The following NIPBL variants were observed in gnomAD, a reference collection of about 807,000 sequenced individuals.
NIPBL encodes NIPBL cohesin loading factor, also known as nipped-B-like protein.
Under a neutral mutation model 321.8 loss-of-function variants are expected in NIPBL, and 19 were observed. The ratio of observed to expected loss-of-function variants is 0.06; its 90% CI spans 0.04 to 0.09. NIPBL has a LOEUF of 0.09. Ranked by LOEUF, NIPBL falls within the 10% of genes least tolerant of loss-of-function variation. NIPBL has a pLI of 1.00. For synonymous variants in NIPBL, 1,106 were observed against 1,114.1 expected (o/e 0.99, Z 0.14); for missense variants, 2,210 against 3,327.0 (o/e 0.66, Z 8.26).
chr5:37,016,995 A>G (rs767145920), intron 23 of NIPBL, 24 bp from the exon 24 acceptor site: 7 of 1,502,204 alleles, frequency 4.7e-6, no homozygotes, highest in South Asian at 1.2e-5. Context: ...AATCTATTCA[A>G]TCAAAAACTA....
chr5:37,007,788 A>T (rs1002614178), intron 18 of NIPBL, among the ~76,000 whole-genome samples: 4 of 152,006 alleles, frequency 2.6e-5, no homozygotes, highest in Non-Finnish European at 5.9e-5. Flanking sequence ...TAGAGATTAG[A>T]GGACTGATAG....
At chr5:37,056,765 T>C (rs1480665953) in intron 42 of NIPBL, among the ~76,000 whole-genome samples, 1 of 152,206 alleles carries the variant, frequency 6.6e-6, no homozygotes, top group Admixed American at 6.5e-5. Context: ...AACTTTCATG[T>C]ATACTTTCTG....
chr5:36,958,032 A>C, intron 3 of NIPBL, 72 bp from the exon 4 acceptor site: 1 of 1,477,622 alleles, frequency 6.8e-7, no homozygotes, highest in Non-Finnish European at 9.4e-7. Context: ...AGTGTGATTT[A>C]CTTTTATATG....
intron 1 of NIPBL, among the ~76,000 whole-genome samples, chr5:36,900,782 C>T (rs568214919): frequency 4.6e-5 from 7 of 152,206 alleles, no homozygotes; most frequent in African/African-American, 1.7e-4. Flanking sequence ...ATTTCATTTA[C>T]ATTGCATGAT....
intron 1 of NIPBL, among the ~76,000 whole-genome samples, chr5:36,901,296 A>G: frequency 6.6e-6 from 1 of 152,136 alleles, no homozygotes. Flanking sequence ...TTATGGCTAC[A>G]TAGTATTCCA....
chr5:36,897,325 T>A (rs1052094546), intron 1 of NIPBL, among the ~76,000 whole-genome samples: 5 of 152,196 alleles, frequency 3.3e-5, no homozygotes, highest in African/African-American at 9.7e-5. Flanking sequence ...TTAATTTTAC[T>A]TCCAGATTGT....
At chr5:37,055,356 TA>T (rs57488198) in intron 42 of NIPBL, among the ~76,000 whole-genome samples, 256 of 84,608 alleles carry the variant, frequency 3.0e-3, no homozygotes, top group Admixed American at 5.8e-3. Flanking sequence ...ATCTCAACAG[TA>T]AAAAAAAAAA....
chr5:36,993,720 A>G (rs1745809198), intron 10 of NIPBL, among the ~76,000 whole-genome samples: 3 of 152,098 alleles, frequency 2.0e-5, no homozygotes, highest in South Asian at 2.1e-4. Context: ...GGTTATCTGT[A>G]TTTATAAACC....
At chr5:37,025,784 G>A (rs992582360) in intron 30 of NIPBL, among the ~76,000 whole-genome samples, 15 of 151,844 alleles carry the variant, frequency 9.9e-5, no homozygotes, top group Non-Finnish European at 1.5e-4. Flanking sequence ...CTTCATAAAT[G>A]TGTACAGCTA....
chr5:37,020,586 C>T lies in NIPBL; in HGVS notation c.5138C>T (p.Thr1713Ile). The T allele has an allele frequency of 1.2e-6, 2 of 1,614,078 alleles. No individual in the cohort carries two copies. The highest frequency in any genetic ancestry group is 1.7e-6 in the Non-Finnish European group (2 of 1,179,992). Reference sequence around the variant, plus strand: ...CATCATGCAAAGGAAATTGAGACAACTGGCCAAATTATGCATCGAGCTGAA... The same window carrying T: ...CATCATGCAAAGGAAATTGAGACAATTGGCCAAATTATGCATCGAGCTGAA... Reference protein sequence around the residue: ...GTHHAKEIETTGQIMHRAENR... With the variant: ...GTHHAKEIETIGQIMHRAENR... Residue 1713 changes from threonine to isoleucine, a missense_variant, in exon 26 of 47, where the codon ACT becomes ATT. Thr to Ile is a moderately conservative substitution (Grantham distance 89). Transcript: ENST00000282516.
intron 34 of NIPBL, among the ~76,000 whole-genome samples, chr5:37,040,485 T>C (rs1752214791): frequency 6.6e-6 from 1 of 152,182 alleles, no homozygotes; most frequent in African/African-American, 2.4e-5. Flanking sequence ...TATATAGATA[T>C]TTGTTAGGCA....
rs958483468 is a variant in NIPBL, at chr5:36,984,997, C to T, written c.1817C>T (p.Pro606Leu). The change falls in exon 10 of 47, where the codon CCT becomes CTT. Residue 606 changes from proline (P) to leucine (L), a missense_variant. Pro to Leu is a moderately conservative substitution (Grantham distance 98). Around this residue, in one of 14 missense-constraint regions of NIPBL, gnomAD observed 588 missense variants for 564.1 expected, o/e 1.04. Transcript: ENST00000282516. Reference protein sequence around the residue: ...HPETPKKKSDPELSKSEMKQS... With the variant: ...HPETPKKKSDLELSKSEMKQS... Reference sequence around the variant, plus strand: ...GAGACACCTAAAAAAAAGTCTGATCCTGAGCTTTCAAAGAGTGAAATGAAA... The same window carrying T: ...GAGACACCTAAAAAAAAGTCTGATCTTGAGCTTTCAAAGAGTGAAATGAAA... The T allele has an allele frequency of 1.9e-6, 3 of 1,613,666 alleles. No homozygotes were observed. In the African/African-American group the frequency reaches 4.0e-5, roughly 22 times the overall value.
At chr5:36,984,077 C>A (rs1420526875) in intron 9 of NIPBL, among the ~76,000 whole-genome samples, 2 of 151,984 alleles carry the variant, frequency 1.3e-5, no homozygotes, top group African/African-American at 4.8e-5. Flanking sequence ...TTTAACACTT[C>A]AAAGAATTTG....
At chr5:36,919,464 G>T (rs910542450) in intron 1 of NIPBL, among the ~76,000 whole-genome samples, 1 of 151,758 alleles carries the variant, frequency 6.6e-6, no homozygotes, top group African/African-American at 2.4e-5. Context: ...CTCCCTAGTG[G>T]CTGGGACTAC....
chr5:36,885,230 T>A (rs1580141103), intron 1 of NIPBL: 1 of 534,098 alleles, frequency 1.9e-6, no homozygotes, highest in East Asian at 5.3e-5. Flanking sequence ...TTGCTCCACC[T>A]TCTCCACCAA....
chr5:36,919,186 C>T (rs142055442), intron 1 of NIPBL, among the ~76,000 whole-genome samples: 69 of 152,180 alleles, frequency 4.5e-4, no homozygotes, highest in African/African-American at 1.5e-3. Flanking sequence ...CTGCTAAGGA[C>T]ATTTTTGTAA....
intron 1 of NIPBL, among the ~76,000 whole-genome samples, chr5:36,883,938 A>G (rs994517487): frequency 1.3e-5 from 2 of 151,978 alleles, no homozygotes; most frequent in African/African-American, 4.8e-5. Context: ...GCACATGAAA[A>G]AATTTCTTCC....
chr5:37,016,080 T>C lies in NIPBL; in HGVS notation c.4686T>C (p.Phe1562=). 4 of 1,613,992 alleles carry C rather than the reference T, an allele frequency of 2.5e-6. No individual in the cohort carries two copies. Among genetic ancestry groups the C allele is most frequent in the Non-Finnish European group, 3.4e-6 (4 of 1,179,930 alleles). Residue 1562 remains phenylalanine, a synonymous_variant, in exon 23 of 47, where the codon TTT becomes TTC. Coordinates refer to ENST00000282516, the MANE Select transcript of NIPBL (RefSeq NM_133433.4). The part of the protein sequence containing the change: ...KQGEEDYRPL[F]ENFVQDLLST... ...GTGAAGAAGATTACAGACCACTGTTTGAAAATTTTGTTCAAGACCTTCTTT... is the reference window on the plus strand; with the variant it reads ...GTGAAGAAGATTACAGACCACTGTTCGAAAATTTTGTTCAAGACCTTCTTT...
intron 21 of NIPBL, 86 bp downstream of exon 21, chr5:37,010,311 C>CTT: frequency 8.9e-7 from 1 of 1,126,942 alleles, no homozygotes; most frequent in East Asian, 2.5e-5. Flanking sequence ...AACTGAAGTT[C>CTT]TTTTTTTTTC....
Sources: allele counts gnomAD v4.1 joint callset (sites outside exome capture counted in the v4.1 genomes callset), GRCh38; gene constraint gnomAD v4.1.1; regional missense constraint gnomAD v4.1.1; transcripts MANE v1.5; gene names NCBI Gene and HGNC (gene_info 2026-07-23, HGNC 2026-07-21).